NFKB1: variants seen among roughly 807,000 people sequenced by gnomAD.
NFKB1 encodes nuclear factor NF-kappa-B p105 subunit.
NFKB1 carries 9 observed loss-of-function variants against 105.1 expected under a neutral mutation model. The observed-to-expected ratio is 0.09, with a 90% CI of 0.05 to 0.15. The LOEUF (loss-of-function observed/expected upper bound fraction) is 0.15, where lower values mean the gene tolerates loss of function less well. NFKB1 is among the 10% of genes least tolerant of loss of function. NFKB1 has a pLI of 1.00. For missense variants in NFKB1, 830 were observed against 1,203.7 expected (o/e 0.69, Z 4.59); for synonymous variants, 440 against 442.2 (o/e 1.00, Z 0.06).
rs4648118 is a variant in NFKB1, at chr4:102,613,536, G to T, written c.2704G>T (p.Ala902Ser). 1 of 1,613,738 alleles carries T rather than the reference G, an allele frequency of 6.2e-7. No individual in the cohort carries two copies. The highest frequency in any genetic ancestry group is 2.2e-5 in the East Asian group (1 of 44,860). Residue 902 changes from alanine to serine, a missense_variant, in exon 23 of 24, where the codon GCC becomes TCC. This residue lies in a region of NFKB1 where 418 missense variants were observed against 575.3 expected (regional missense o/e 0.73). Transcript: ENST00000226574. ...CAGCCCAGTGAAGACCACCTCTCAG[G>T]CCCACTCGCTGCCTCTCTCGCCTGC... ...ASSPVKTTSQ[A>S]HSLPLSPAST...
At chr4:102,529,627 G>A (rs1045782517) in intron 2 of NFKB1, among the ~76,000 whole-genome samples, 2 of 152,114 alleles carry the variant, frequency 1.3e-5, no homozygotes, top group Non-Finnish European at 2.9e-5. Context: ...TTACGTAAAC[G>A]TTGTCCAACC....
At chr4:102,608,560 T>TAC (rs1728045661) in intron 19 of NFKB1, among the ~76,000 whole-genome samples, 1 of 152,230 alleles carries the variant, frequency 6.6e-6, no homozygotes, top group Non-Finnish European at 1.5e-5. Flanking sequence ...CATGCTGATC[T>TAC]TTGAATCTCC....
intron 11 of NFKB1, 55 bp downstream of exon 11, chr4:102,584,875 TTTTTG>T (rs548436039): frequency 6.9e-5 from 105 of 1,515,500 alleles, no homozygotes; most frequent in African/African-American, 1.8e-4. Flanking sequence ...TTATTTTTGG[TTTTTG>T]TTTTGTTTTG....
chr4:102,567,449 A>AT (rs1278625313), intron 6 of NFKB1, among the ~76,000 whole-genome samples: 4 of 152,038 alleles, frequency 2.6e-5, no homozygotes, highest in African/African-American at 7.2e-5. Flanking sequence ...GCCACTATTA[A>AT]TTTTTTTTCT....
chr4:102,608,998 T>A (rs1446892087), intron 19 of NFKB1, among the ~76,000 whole-genome samples: 1 of 151,588 alleles, frequency 6.6e-6, no homozygotes, highest in Non-Finnish European at 1.5e-5. Context: ...TTAAAAAATT[T>A]AAAAAGTAGC....
At chr4:102,545,829 A>G (rs956372219) in intron 5 of NFKB1, among the ~76,000 whole-genome samples, 14 of 152,182 alleles carry the variant, frequency 9.2e-5, no homozygotes, top group African/African-American at 3.1e-4. Flanking sequence ...TATAATGGCA[A>G]CATATTACAA....
chr4:102,551,367 T>TGTGTGTGTGTGTGCGCGC (rs370790173), intron 5 of NFKB1, among the ~76,000 whole-genome samples: 17 of 150,204 alleles, frequency 1.1e-4, no homozygotes, highest in African/African-American at 4.2e-4. Flanking sequence ...TGTGTGTGTG[T>TGTGTGTGTGTGTGCGCGC]GCGCGCGCGC....
chr4:102,535,259 G>A (rs1310907036), intron 4 of NFKB1, among the ~76,000 whole-genome samples: 3 of 152,092 alleles, frequency 2.0e-5, no homozygotes, highest in Non-Finnish European at 4.4e-5. Flanking sequence ...AAATTTGTCT[G>A]CATATGCCAA....
intron 3 of NFKB1, 68 bp downstream of exon 3, chr4:102,529,982 A>G (rs1332026840): frequency 7.6e-6 from 9 of 1,176,864 alleles, no homozygotes; most frequent in African/African-American, 3.1e-5. Flanking sequence ...GGATTTGTTA[A>G]TAGTCTGTCC....
At position 102,613,204 on chromosome 4, in the gene NFKB1, A is replaced by G. The variant is rs1392026519; in HGVS notation, c.2593-221A>G. Among the ~76,000 whole-genome samples, 1 of 152,100 alleles carries G rather than the reference A, an allele frequency of 6.6e-6. No homozygotes were observed. Among genetic ancestry groups the G allele is most frequent in the African/African-American group, 2.4e-5 (1 of 41,412 alleles). On this transcript the variant is annotated intron_variant, in intron 22 of 23. Transcript: ENST00000226574. ...GCTGTCTCTCTCTCTGCTTACTACAAACCACTTCTCTGTGATTTCCTGAGT... is the reference window on the plus strand; with the variant it reads ...GCTGTCTCTCTCTCTGCTTACTACAGACCACTTCTCTGTGATTTCCTGAGT...
intron 3 of NFKB1, among the ~76,000 whole-genome samples, chr4:102,533,540 G>A (rs1487988937): frequency 6.6e-6 from 1 of 152,136 alleles, no homozygotes; most frequent in Non-Finnish European, 1.5e-5. Context: ...AGATTATGAA[G>A]GCTGTTGACA....
At chr4:102,509,111 G>A (rs1578700477) in intron 1 of NFKB1, among the ~76,000 whole-genome samples, 1 of 152,256 alleles carries the variant, frequency 6.6e-6, no homozygotes, top group East Asian at 1.9e-4. Context: ...GCAAATATAA[G>A]TACCTGGGAA....
At chr4:102,544,212 C>T (rs999615998) in intron 5 of NFKB1, among the ~76,000 whole-genome samples, 1 of 152,136 alleles carries the variant, frequency 6.6e-6, no homozygotes, top group Non-Finnish European at 1.5e-5. Context: ...TAGCTTGTAT[C>T]ACTTTAGCTT....
At chr4:102,607,899 T>A in intron 19 of NFKB1, 148 bp downstream of exon 19, 2 of 697,236 alleles carry the variant, frequency 2.9e-6, no homozygotes, top group Admixed American at 4.2e-5. Flanking sequence ...AAATCACATT[T>A]TATCTGCCAT....
chr4:102,565,872 G>C (rs1723826011), intron 5 of NFKB1, among the ~76,000 whole-genome samples: 1 of 152,188 alleles, frequency 6.6e-6, no homozygotes, highest in Non-Finnish European at 1.5e-5. Context: ...TATGAGCTAA[G>C]GAGATAGGGT....
rs192765327 is a variant in NFKB1, at chr4:102,583,709, C to T, written c.927+752C>T. On this transcript the variant is annotated intron_variant, in intron 10 of 23. Coordinates refer to ENST00000226574, the MANE Select transcript of NFKB1 (RefSeq NM_003998.4). ...CAACTGATTAAATGATCAGTTTAAT[C>T]ATTTAATAACATGATAATGCTGAGC... Among the ~76,000 whole-genome samples, 17 of 151,754 alleles carry T rather than the reference C, an allele frequency of 1.1e-4. No individual in the cohort carries two copies. The East Asian group carries it at 3.1e-3, about 28-fold the overall frequency.
intron 1 of NFKB1, among the ~76,000 whole-genome samples, chr4:102,524,438 T>G (rs746093647): frequency 7.9e-5 from 12 of 152,184 alleles, no homozygotes; most frequent in Non-Finnish European, 1.6e-4. Flanking sequence ...AAACATGGCT[T>G]GCTTCTGTGG....
At chr4:102,591,751 T>C (rs1726198225) in intron 11 of NFKB1, among the ~76,000 whole-genome samples, 1 of 152,238 alleles carries the variant, frequency 6.6e-6, no homozygotes, top group Non-Finnish European at 1.5e-5. Context: ...TTTTCATGGC[T>C]ACTAACAGCC....
intron 11 of NFKB1, among the ~76,000 whole-genome samples, chr4:102,592,626 A>AT (rs1407219816): frequency 6.6e-6 from 1 of 152,194 alleles, no homozygotes; most frequent in Non-Finnish European, 1.5e-5. Context: ...TGTAAACATA[A>AT]TTTTTTTGTG....
Sources: allele counts gnomAD v4.1 joint callset (sites outside exome capture counted in the v4.1 genomes callset), GRCh38; gene constraint gnomAD v4.1.1; regional missense constraint gnomAD v4.1.1; transcripts MANE v1.5; gene names NCBI Gene and HGNC (gene_info 2026-07-23, HGNC 2026-07-21).